LASP1: variants seen among roughly 807,000 people sequenced by gnomAD.
The protein encoded by LASP1 is LIM and SH3 domain protein 1.
In LASP1, 10 loss-of-function variants were observed where a neutral mutation model predicts 38.6. The observed-to-expected ratio is 0.26, with a 90% CI of 0.16 to 0.44. The LOEUF is 0.44. Among genes scored for constraint, LASP1 ranks in the 20% least tolerant of loss-of-function variants. The probability of loss-of-function intolerance (pLI) is 1.00; values close to 1 mark genes in which losing one functional copy is unlikely to be tolerated. For missense variants in LASP1, 243 were observed against 375.7 expected (o/e 0.65, Z 2.92); for synonymous variants, 132 against 140.8 (o/e 0.94, Z 0.44).
At chr17:38,909,551 A>G (rs1026976244) in intron 4 of LASP1, among the ~76,000 whole-genome samples, 2 of 151,912 alleles carry the variant, frequency 1.3e-5, no homozygotes, top group Admixed American at 6.6e-5. Flanking sequence ...AGGGTGCAGT[A>G]AGCCGAGACT....
chr17:38,886,363 TCTGC>T (rs1000915518), intron 2 of LASP1, among the ~76,000 whole-genome samples: 18 of 152,108 alleles, frequency 1.2e-4, no homozygotes, highest in Non-Finnish European at 2.1e-4. Flanking sequence ...GCCCAAGCTG[TCTGC>T]CTGCCTTCCT....
At chr17:38,917,655 A>G (rs1365279739) in intron 6 of LASP1, among the ~76,000 whole-genome samples, 1 of 152,002 alleles carries the variant, frequency 6.6e-6, no homozygotes, top group African/African-American at 2.4e-5. Flanking sequence ...AATCATACAA[A>G]TAATAGCATA....
At chr17:38,892,080 C>A (rs1914343816) in intron 3 of LASP1, among the ~76,000 whole-genome samples, 1 of 152,152 alleles carries the variant, frequency 6.6e-6, no homozygotes, top group South Asian at 2.1e-4. Context: ...TGGGGTGAGA[C>A]CCTGTCTCTA....
At chr17:38,875,878 G>A (rs1314347665) in intron 1 of LASP1, among the ~76,000 whole-genome samples, 1 of 152,178 alleles carries the variant, frequency 6.6e-6, no homozygotes, top group African/African-American at 2.4e-5. Context: ...CTGTGGCTGG[G>A]CTCCTTCAAA....
chr17:38,893,161 A>T (rs1032526152), intron 3 of LASP1, among the ~76,000 whole-genome samples: 6 of 152,232 alleles, frequency 3.9e-5, no homozygotes, highest in Admixed American at 3.9e-4. Context: ...GAGCCCAGGG[A>T]CAGGGGCAGA....
rs899457098 is a variant in LASP1 at position 38,876,176 on chromosome 17, CTTTTTTTT to C, written c.70-1897_70-1890del. Among the ~76,000 whole-genome samples, 4 of 127,630 alleles carry C rather than the reference CTTTTTTTT, an allele frequency of 3.1e-5. No homozygotes were observed. In the South Asian group the frequency reaches 8.0e-4, roughly 26 times the overall value. The allele number at this position is 127,630 out of a possible 152,430, so 83.7% of individuals were successfully genotyped here. A position where few individuals can be genotyped will look rare whatever the true frequency, so the allele number is the denominator to read the frequency against. On this transcript the variant is annotated intron_variant, in intron 1 of 6. Coordinates refer to ENST00000318008, the MANE Select transcript of LASP1 (RefSeq NM_006148.4). ...ACGTGGAGCCTGTTAGATCGTTTCT[CTTTTTTTT>C]TTTTTTTTTTTTGAGACAGAGTCTT... is the stretch of plus-strand genomic sequence containing the variant.
At chr17:38,871,946 C>G (rs1332554277) in intron 1 of LASP1, among the ~76,000 whole-genome samples, 1 of 152,170 alleles carries the variant, frequency 6.6e-6, no homozygotes, top group Non-Finnish European at 1.5e-5. Flanking sequence ...TCGCCCGCCC[C>G]TCGTGGCAGA....
At chr17:38,891,474 C>T (rs1914322044) in intron 3 of LASP1, among the ~76,000 whole-genome samples, 1 of 152,128 alleles carries the variant, frequency 6.6e-6, no homozygotes, top group Non-Finnish European at 1.5e-5. Flanking sequence ...TCCCAGCAGC[C>T]CTGTGAGGAA....
chr17:38,899,623 T>G (rs1204526865), intron 4 of LASP1, among the ~76,000 whole-genome samples: 1 of 152,198 alleles, frequency 6.6e-6, no homozygotes, highest in African/African-American at 2.4e-5. Flanking sequence ...AAACTCTGAC[T>G]TCAGCCTACA....
intron 4 of LASP1, among the ~76,000 whole-genome samples, chr17:38,905,293 C>T (rs1188985255): frequency 2.0e-5 from 3 of 151,970 alleles, no homozygotes; most frequent in Non-Finnish European, 2.9e-5. Context: ...CTTTGGGAGA[C>T]CGAAGTGGGT....
chr17:38,890,100 A>G (rs1914260947), intron 2 of LASP1: 1 of 299,896 alleles, frequency 3.3e-6, no homozygotes, highest in East Asian at 6.8e-5. Context: ...GGCACAAGGC[A>G]TGGATTATCC....
At chr17:38,909,949 T>C (rs1415895566) in intron 4 of LASP1, among the ~76,000 whole-genome samples, 1 of 152,166 alleles carries the variant, frequency 6.6e-6, no homozygotes, top group Admixed American at 6.5e-5. Flanking sequence ...GGTTTCACTG[T>C]GTTGGCCAGG....
intron 2 of LASP1, among the ~76,000 whole-genome samples, chr17:38,885,412 G>T (rs1236943930): frequency 6.6e-6 from 1 of 152,206 alleles, no homozygotes; most frequent in African/African-American, 2.4e-5. Flanking sequence ...ATAGCTGCCT[G>T]TTTGCCCTGC....
At chr17:38,910,555 C>T (rs60097507) in intron 4 of LASP1, among the ~76,000 whole-genome samples, 1,940 of 152,084 alleles carry the variant, frequency 0.013, 41 homozygotes, top group African/African-American at 0.045. Flanking sequence ...TTCCCAGCTT[C>T]TGCTCTAGAC....
intron 4 of LASP1, among the ~76,000 whole-genome samples, chr17:38,900,627 C>T (rs112050990): frequency 0.019 from 2,850 of 152,032 alleles, 43 homozygotes; most frequent in Non-Finnish European, 0.029. Context: ...GAGTCGAGAT[C>T]GGGCCACTGC....
chr17:38,883,759 TTTTCA>T (rs1914020897), intron 2 of LASP1, among the ~76,000 whole-genome samples: 1 of 107,552 alleles, frequency 9.3e-6, no homozygotes, highest in Non-Finnish European at 2.1e-5. Context: ...TTTTTTTTTC[TTTTCA>T]TTTTGTGTGC....
At position 38,898,380 on chromosome 17, in the gene LASP1, T is replaced by C. The variant is rs1260173256; in HGVS notation, c.250-32T>C. 10 of 1,503,654 alleles carry C rather than the reference T, an allele frequency of 6.7e-6. No individual in the cohort carries two copies. The African/African-American group carries it at 9.7e-5, about 15-fold the overall frequency. 93.1% of individuals were successfully genotyped at this position (1,503,654 alleles called of 1,614,324 possible). A position where few individuals can be genotyped will look rare whatever the true frequency, so the allele number is the denominator to read the frequency against. On this transcript the variant is annotated intron_variant, in intron 3 of 6. Coordinates refer to ENST00000318008, the MANE Select transcript of LASP1 (RefSeq NM_006148.4). ...GCCGAGGCCCTTTCGGCTCCTGGCC[T>C]GACTCCAATCCCTCTTCCTCCCCTC...
chr17:38,889,842 C>T (rs903671326), intron 2 of LASP1, among the ~76,000 whole-genome samples: 1 of 152,200 alleles, frequency 6.6e-6, no homozygotes, highest in Non-Finnish European at 1.5e-5. Context: ...GGCCTTCCCA[C>T]CTACCCTCCA....
chr17:38,898,714 G>A lies in LASP1; in HGVS notation c.357+195G>A, dbSNP rs780669382. 1.3e-4 allele frequency: 82 copies of A among 654,096 alleles called. No homozygotes were observed. The Admixed American group carries it at 1.5e-3, about 12-fold the overall frequency. 40.5% of individuals were successfully genotyped at this position (654,096 alleles called of 1,614,324 possible). A position where few individuals can be genotyped will look rare whatever the true frequency, so the allele number is the denominator to read the frequency against. On this transcript the variant is annotated intron_variant, in intron 4 of 6. Transcript: ENST00000318008. Reference sequence around the variant, plus strand: ...CTGTGTACCCCCAGACCACCAGCACGCATAGCATTTTCTTCTTGAAGGGAC... The same window carrying A: ...CTGTGTACCCCCAGACCACCAGCACACATAGCATTTTCTTCTTGAAGGGAC...
Sources: gnomAD v4.1 joint callset for allele counts (sites outside exome capture counted in the v4.1 genomes callset) on GRCh38, gnomAD v4.1.1 for gene constraint, MANE v1.5 for transcripts, NCBI Gene and HGNC (gene_info 2026-07-23, HGNC 2026-07-21) for gene names.